Variants in KIF26B observed in about 807,000 individuals in gnomAD.
KIF26B encodes the protein kinesin family member 26B.
Under a neutral mutation model 151.2 loss-of-function variants are expected in KIF26B, and 63 were observed. The observed-to-expected ratio is 0.42, with a 90% CI of 0.34 to 0.51. KIF26B has a LOEUF of 0.51. Ranked by LOEUF, KIF26B falls within the 20% of genes least tolerant of loss-of-function variation. The probability of loss-of-function intolerance (pLI) is 0.07; values close to 1 mark genes in which losing one functional copy is unlikely to be tolerated. For missense variants in KIF26B, 2,813 were observed against 2,913.6 expected, an observed-to-expected ratio of 0.97 and a Z score of 0.79; for synonymous variants, 1,357 against 1,262.1, an observed-to-expected ratio of 1.08 and a Z score of -1.59.
chr1:245,532,370 C>A (rs925276851), intron 4 of KIF26B, among the ~76,000 whole-genome samples: 12 of 151,180 alleles, frequency 7.9e-5, no homozygotes, highest in African/African-American at 2.9e-4. Context: ...CTCAGCCTCC[C>A]GAGTAGCTGG....
intron 3 of KIF26B, among the ~76,000 whole-genome samples, chr1:245,394,067 G>C (rs1673763918): frequency 6.6e-6 from 1 of 152,176 alleles, no homozygotes; most frequent in Admixed American, 6.5e-5. Flanking sequence ...GGGTTTTGAG[G>C]TCTGAACGGT....
chr1:245,483,558 A>T (rs1402882300), intron 4 of KIF26B, among the ~76,000 whole-genome samples: 2 of 151,900 alleles, frequency 1.3e-5, no homozygotes, highest in Non-Finnish European at 2.9e-5. Flanking sequence ...CGTTGTTAAC[A>T]AGAAATTTTG....
At position 245,503,475 on chromosome 1, in the gene KIF26B, T is replaced by G. The variant is rs140566588; in HGVS notation, c.1167-37292T>G. 2.0e-3 allele frequency among the ~76,000 whole-genome samples: 309 copies of G among 152,354 alleles called. 3 individuals carry two copies. The highest frequency in any genetic ancestry group is 7.0e-3 in the African/African-American group (292 of 41,586). On this transcript the variant is annotated intron_variant, in intron 4 of 14. Transcript: ENST00000407071. ...GTTCCATACAGATCTAACTAAATAT[T>G]AGAGGTATCTGACCTTTTATTTTTT...
intron 2 of KIF26B, among the ~76,000 whole-genome samples, chr1:245,337,433 C>T (rs796350099): frequency 7.0e-4 from 107 of 152,034 alleles, no homozygotes; most frequent in African/African-American, 2.5e-3. Context: ...CCATCCACCT[C>T]GGCCTCCCAA....
chr1:245,166,215 C>T lies in KIF26B; in HGVS notation c.465+9532C>T, dbSNP rs1337513010. Among the ~76,000 whole-genome samples the T allele has an allele frequency of 6.6e-6, 1 of 152,140 alleles. No homozygotes were observed. The highest frequency in any genetic ancestry group is 1.9e-4 in the East Asian group (1 of 5,186). ...TTCTGTTATTATTCCAGTGACTTTC[C>T]ACAGGAAGTTGAATTTTATATAAGA... On this transcript the variant is annotated intron_variant, in intron 2 of 14. Transcript: ENST00000407071. The surrounding 1 kb of genome is among the most constrained non-coding windows in gnomAD (Gnocchi z 4.5).
chr1:245,673,014 A>G (rs1039370484), intron 10 of KIF26B, among the ~76,000 whole-genome samples: 1 of 152,122 alleles, frequency 6.6e-6, no homozygotes, highest in Non-Finnish European at 1.5e-5. Context: ...TAATGCACCC[A>G]GTCCCCACGG....
Position 245,662,486 on chromosome 1 carries a change from A to ATAT in KIF26B, c.2258+16206_2258+16207insTAT, listed in dbSNP as rs1558257424. On this transcript the variant is annotated intron_variant, in intron 10 of 14. Coordinates refer to ENST00000407071, the MANE Select transcript of KIF26B (RefSeq NM_018012.4). Reference sequence around the variant, plus strand: ...CCATGATACATATATACACACACCCAATATATATATATGTACACCCAATGA... The same window carrying ATAT: ...CCATGATACATATATACACACACCCATATATATATATATATGTACACCCAATGA... 2.8e-5 allele frequency among the ~76,000 whole-genome samples: 4 copies of ATAT among 145,024 alleles called. 1 individual carries two copies. The highest frequency in any genetic ancestry group is 1.4e-4 in the Admixed American group (2 of 14,320).
chr1:245,309,872 AAATC>A (rs1671632984), intron 2 of KIF26B, among the ~76,000 whole-genome samples: 2 of 146,236 alleles, frequency 1.4e-5, no homozygotes, highest in Non-Finnish European at 3.0e-5. Context: ...TATATATAAT[AAATC>A]AATAAATATA....
At chr1:245,159,242 T>A (rs1486134976) in intron 2 of KIF26B, among the ~76,000 whole-genome samples, 5 of 152,202 alleles carry the variant, frequency 3.3e-5, no homozygotes, top group Non-Finnish European at 7.3e-5. Context: ...TGGGAAATAT[T>A]TTCTTAAATA....
intron 2 of KIF26B, among the ~76,000 whole-genome samples, chr1:245,253,726 T>C (rs1265652959): frequency 4.0e-4 from 61 of 151,208 alleles, no homozygotes; most frequent in Non-Finnish European, 7.4e-5. Flanking sequence ...TCAGTTTTTA[T>C]ATTTATTCTT....
Position 245,476,127 on chromosome 1 carries a change from G to A in KIF26B, c.1166+56382G>A, listed in dbSNP as rs186451074. 4.9e-3 allele frequency among the ~76,000 whole-genome samples: 743 copies of A among 151,992 alleles called. 21 individuals are homozygous for A. The highest frequency in any genetic ancestry group is 8.8e-3 in the Non-Finnish European group (595 of 67,868). On this transcript the variant is annotated intron_variant, in intron 4 of 14. Coordinates refer to ENST00000407071, the MANE Select transcript of KIF26B (RefSeq NM_018012.4). Reference sequence around the variant, plus strand: ...TGCCATGTGGATGGACCTTGTAAACGTTCTGGTAGCTGAAATAAGCCAGAT... The same window carrying A: ...TGCCATGTGGATGGACCTTGTAAACATTCTGGTAGCTGAAATAAGCCAGAT...
At chr1:245,473,081 A>G (rs1659949352) in intron 4 of KIF26B, among the ~76,000 whole-genome samples, 1 of 152,206 alleles carries the variant, frequency 6.6e-6, no homozygotes. Flanking sequence ...AACAATCTGT[A>G]AACAATAAGA....
At chr1:245,329,051 G>C (rs1572006391) in intron 2 of KIF26B, among the ~76,000 whole-genome samples, 1 of 152,200 alleles carries the variant, frequency 6.6e-6, no homozygotes, top group Non-Finnish European at 1.5e-5. Flanking sequence ...AGGGCATCTG[G>C]ATATTGCTAG....
At chr1:245,662,974 T>C (rs1360621457) in intron 10 of KIF26B, among the ~76,000 whole-genome samples, 12 of 152,004 alleles carry the variant, frequency 7.9e-5, no homozygotes, top group African/African-American at 2.7e-4. Context: ...TCTTTTTTTT[T>C]TTTTCTCTCT....
At chr1:245,472,058 C>T (rs1002876986) in intron 4 of KIF26B, among the ~76,000 whole-genome samples, 3 of 152,188 alleles carry the variant, frequency 2.0e-5, no homozygotes, top group Admixed American at 6.5e-5. Flanking sequence ...TCTCAAAGTG[C>T]TGGGATTACA....
intron 2 of KIF26B, among the ~76,000 whole-genome samples, chr1:245,294,318 A>T (rs1227199542): frequency 6.6e-6 from 1 of 152,174 alleles, no homozygotes; most frequent in Non-Finnish European, 1.5e-5. Flanking sequence ...TCAAGGCAAG[A>T]AGCAAAGCAT....
chr1:245,183,834 C>T (rs1558337046), intron 2 of KIF26B, among the ~76,000 whole-genome samples: 1 of 151,864 alleles, frequency 6.6e-6, no homozygotes, highest in Non-Finnish European at 1.5e-5. Context: ...AAAGACCTGG[C>T]GGTATGACAC....
chr1:245,439,402 G>C (rs1465565432), intron 4 of KIF26B, among the ~76,000 whole-genome samples: 1 of 151,574 alleles, frequency 6.6e-6, no homozygotes, highest in Non-Finnish European at 1.5e-5. Context: ...GTTGGGATTA[G>C]AGAAAATGTT....
chr1:245,559,896 A>C (rs548289673), intron 5 of KIF26B, among the ~76,000 whole-genome samples: 1 of 149,566 alleles, frequency 6.7e-6, no homozygotes, highest in Non-Finnish European at 1.5e-5. Flanking sequence ...TTTTTTTTCC[A>C]ATCAGTATTT....
Sources: allele counts gnomAD v4.1 joint callset (sites outside exome capture counted in the v4.1 genomes callset), GRCh38; gene constraint gnomAD v4.1.1; non-coding constraint Gnocchi (gnomAD v3.1); transcripts MANE v1.5; gene names NCBI Gene and HGNC (gene_info 2026-07-23, HGNC 2026-07-21).